Variants in EMX1 observed in about 807,000 individuals in gnomAD.
EMX1 encodes the protein homeobox protein EMX1.
EMX1 carries 10 observed loss-of-function variants against 20.1 expected under a neutral mutation model. The observed-to-expected ratio is 0.50, with a 90% CI of 0.31 to 0.84. The LOEUF is 0.84. EMX1 is among the 40% of genes least tolerant of loss of function. EMX1 has a pLI of 0.05. For synonymous variants in EMX1, 250 were observed against 200.4 expected (o/e 1.25, Z -2.09); for missense variants, 424 against 431.9 (o/e 0.98, Z 0.16).
At chr2:72,931,328 G>C (rs1671276751) in intron 2 of EMX1, among the ~76,000 whole-genome samples, 1 of 152,232 alleles carries the variant, frequency 6.6e-6, no homozygotes, top group Admixed American at 6.5e-5. Context: ...TCTCCTTCCT[G>C]AAGGACACTT....
At chr2:72,921,357 C>G (rs561868048) in intron 1 of EMX1, among the ~76,000 whole-genome samples, 4 of 152,294 alleles carry the variant, frequency 2.6e-5, no homozygotes, top group Admixed American at 2.6e-4. Context: ...GTTCTCACAG[C>G]CCAGAATTAC....
At chr2:72,925,582 C>T (rs1671187766) in intron 2 of EMX1, 1 of 1,282,992 alleles carries the variant, frequency 7.8e-7, no homozygotes, top group Non-Finnish European at 1.0e-6. Context: ...GCTGACTTTT[C>T]ACCTTCCGCT....
In EMX1 at chr2:72,917,664, G is replaced by C; in HGVS notation, c.-189G>C. The C allele has an allele frequency of 3.0e-6, 1 of 329,262 alleles. No individual in the cohort carries two copies. The highest frequency in any genetic ancestry group is 5.0e-6 in the Non-Finnish European group (1 of 201,642). The allele number at this position is 329,262 out of a possible 1,614,324, so 20.4% of individuals were successfully genotyped here. On this transcript the variant is annotated 5_prime_UTR_variant, in exon 1 of 3. Transcript: ENST00000258106. ...TACTGGCAGCTCGCAGCCTAGCACGGAGCCCGCGCCTGTGCGGGCGCCTGG... is the reference window on the plus strand; with the variant it reads ...TACTGGCAGCTCGCAGCCTAGCACGCAGCCCGCGCCTGTGCGGGCGCCTGG...
Position 72,934,579 on chromosome 2 carries a change from A to G in EMX1, c.*625A>G, listed in dbSNP as rs189188763. On this transcript the variant is annotated 3_prime_UTR_variant, in exon 3 of 3. Transcript: ENST00000258106. ...TAGACATAGGGAAGGGCCATCCTGT[A>G]TCTTGAGGGAGGACAGGCCCAGGTC... 1.3e-5 allele frequency: 2 copies of G among 152,490 alleles called. No homozygotes were observed. The highest frequency in any genetic ancestry group is 2.9e-5 in the Non-Finnish European group (2 of 68,314). 9.4% of individuals were successfully genotyped at this position (152,490 alleles called of 1,614,324 possible).
At chr2:72,927,543 C>T (rs1288161258) in intron 2 of EMX1, among the ~76,000 whole-genome samples, 1 of 152,242 alleles carries the variant, frequency 6.6e-6, no homozygotes, top group Non-Finnish European at 1.5e-5. Flanking sequence ...TAATTATCTG[C>T]CATGTCCAAA....
At position 72,918,386 on chromosome 2, in the gene EMX1, C is replaced by T. The variant is rs1671032627; in HGVS notation, c.520+14C>T. The T allele has an allele frequency of 1.5e-6, 2 of 1,374,750 alleles. No homozygotes were observed. The highest frequency in any genetic ancestry group is 1.9e-4 in the Middle Eastern group (1 of 5,166). The allele number at this position is 1,374,750 out of a possible 1,614,324, so 85.2% of individuals were successfully genotyped here. On this transcript the variant is annotated intron_variant, in intron 1 of 2. Transcript: ENST00000258106. ...ACCGCTTCCAGGGTGAGTGTCCACG[C>T]TGTGCCCGCCGAGGCGGCCGGCCGG... is the stretch of plus-strand genomic sequence containing the variant.
upstream of EMX1, chr2:72,917,028 C>A: frequency 2.9e-6 from 2 of 684,496 alleles, no homozygotes; most frequent in Non-Finnish European, 2.7e-6. Context: ...GGAACAAGGT[C>A]GCAGCTTCAG....
intron 2 of EMX1, among the ~76,000 whole-genome samples, chr2:72,928,233 G>A (rs879330015): frequency 2.6e-5 from 4 of 152,186 alleles, no homozygotes; most frequent in South Asian, 2.1e-4. Flanking sequence ...CTTGGGTGCC[G>A]CCCTGGAGTA....
intron 1 of EMX1, chr2:72,923,954 T>C: frequency 2.6e-6 from 1 of 387,990 alleles, no homozygotes; most frequent in South Asian, 3.1e-5. Context: ...CCATGGACTT[T>C]TCTTCCCCAC....
chr2:72,922,386 G>C (rs1671119228), intron 1 of EMX1, among the ~76,000 whole-genome samples: 2 of 151,958 alleles, frequency 1.3e-5, no homozygotes, highest in Non-Finnish European at 2.9e-5. Context: ...ACTCATCTCT[G>C]CCAGACCACC....
At position 72,917,623 on chromosome 2, in the gene EMX1, C is replaced by T; in HGVS notation, c.-230C>T. On this transcript the variant is annotated 5_prime_UTR_variant, in exon 1 of 3. Coordinates refer to ENST00000258106, the MANE Select transcript of EMX1 (RefSeq NM_004097.3). Reference sequence around the variant, plus strand: ...GGGACTCCGAAAGGAGGGAGACGAGCTCAACCCTCGGGCCTTACTGGCAGC... The same window carrying T: ...GGGACTCCGAAAGGAGGGAGACGAGTTCAACCCTCGGGCCTTACTGGCAGC... The T allele has an allele frequency of 4.1e-6, 1 of 243,146 alleles. No homozygotes were observed. The allele number at this position is 243,146 out of a possible 1,614,324, so 15.1% of individuals were successfully genotyped here.
At chr2:72,921,212 TAA>T (rs1254748097) in intron 1 of EMX1, among the ~76,000 whole-genome samples, 1 of 152,134 alleles carries the variant, frequency 6.6e-6, no homozygotes, top group Non-Finnish European at 1.5e-5. Flanking sequence ...GAAGGGGCCC[TAA>T]AAGAGTGGCT....
chr2:72,924,322 C>A lies in EMX1; in HGVS notation c.534C>A (p.Pro178=). ...FGHRFQASDV[P]QDGLLLHGPF... is the part of the protein sequence containing the mutation. ...GCGGGGCCGCAGCCAGCGACGTGCC[C>A]CAGGACGGGCTGCTTCTGCACGGCC... Residue 178 remains proline (P), a synonymous_variant, in exon 2 of 3, where the codon CCC becomes CCA. Transcript: ENST00000258106. The A allele has an allele frequency of 6.4e-7, 1 of 1,570,558 alleles. No individual in the cohort carries two copies. Among genetic ancestry groups the A allele is most frequent in the Admixed American group, 1.9e-5 (1 of 53,642 alleles).
At chr2:72,929,747 A>G (rs1671254810) in intron 2 of EMX1, among the ~76,000 whole-genome samples, 1 of 152,248 alleles carries the variant, frequency 6.6e-6, no homozygotes, top group Non-Finnish European at 1.5e-5. Flanking sequence ...TAGTTCTGAA[A>G]TATCGGCTGG....
intron 2 of EMX1, chr2:72,925,777 T>C (rs1476467760): frequency 4.1e-6 from 4 of 985,182 alleles, no homozygotes; most frequent in Non-Finnish European, 4.8e-6. Flanking sequence ...CCTTACCCTC[T>C]CCTCCTTCAG....
At chr2:72,925,775 TCTC>T in intron 2 of EMX1, 1 of 985,282 alleles carries the variant, frequency 1.0e-6, no homozygotes, top group Non-Finnish European at 1.2e-6. Flanking sequence ...GACCTTACCC[TCTC>T]CTCCTTCAGT....
chr2:72,917,740 C>T lies in EMX1; in HGVS notation c.-113C>T. 1.9e-6 allele frequency: 2 copies of T among 1,047,532 alleles called. No individual in the cohort carries two copies. Among genetic ancestry groups the T allele is most frequent in the Non-Finnish European group, 2.4e-6 (2 of 831,894 alleles). The allele number at this position is 1,047,532 out of a possible 1,614,324, so 64.9% of individuals were successfully genotyped here. A position where few individuals can be genotyped will look rare whatever the true frequency, so the allele number is the denominator to read the frequency against. On this transcript the variant is annotated 5_prime_UTR_variant, in exon 1 of 3. Transcript: ENST00000258106. The stretch of plus-strand genomic sequence containing the variant: ...GCCGCGCCTGGCCGTACGCTGTGGC[C>T]GGACCCCGCGGTCGCTCGCTCACAC...
intron 1 of EMX1, 90 bp downstream of exon 1, chr2:72,918,462 T>G (rs1671037646): frequency 1.5e-6 from 2 of 1,325,880 alleles, no homozygotes; most frequent in Non-Finnish European, 1.9e-6. Context: ...CGGGGCTGTT[T>G]AGAAGTTACT....
chr2:72,930,335 AC>A lies in EMX1; in HGVS notation c.706-3451del, dbSNP rs567457752. 2.2e-4 allele frequency among the ~76,000 whole-genome samples: 33 copies of A among 152,236 alleles called. No individual in the cohort carries two copies. The highest frequency in any genetic ancestry group is 3.5e-4 in the Non-Finnish European group (24 of 68,030). On this transcript the variant is annotated intron_variant, in intron 2 of 2. Transcript: ENST00000258106. This position sits in a 1 kb window ranked among gnomAD's most constrained non-coding sequence, Gnocchi z 4.4. Reference sequence around the variant, plus strand: ...GACTGGGAAGAGGTACTAAGGAACTACAGGCAGGTGATGGGGCAGGACCATT... The same window carrying A: ...GACTGGGAAGAGGTACTAAGGAACTAAGGCAGGTGATGGGGCAGGACCATT...
Sources: gnomAD v4.1 joint callset for allele counts (sites outside exome capture counted in the v4.1 genomes callset) on GRCh38, gnomAD v4.1.1 for gene constraint, Gnocchi (gnomAD v3.1) non-coding constraint, MANE v1.5 for transcripts, NCBI Gene and HGNC (gene_info 2026-07-23, HGNC 2026-07-21) for gene names.